CIMIP1: variants seen among roughly 807,000 people sequenced by gnomAD.
CIMIP1 encodes low in lung cancer 1.
At chr20:58,155,567 A>G in the CIMIP1 span, 1 of 1,612,036 alleles carries the variant, frequency 6.2e-7, no homozygotes, top group South Asian at 1.1e-5. Flanking sequence ...GAAGTACATC[A>G]AGGTTTGAAA....
the CIMIP1 span, among the ~76,000 whole-genome samples, chr20:58,151,871 C>T: frequency 1.3e-5 from 2 of 152,056 alleles, no homozygotes; most frequent in Non-Finnish European, 2.9e-5. Flanking sequence ...AGACATTTGT[C>T]GTGGATATTT....
the CIMIP1 span, chr20:58,153,653 G>A: frequency 1.5e-5 from 21 of 1,435,580 alleles, no homozygotes; most frequent in East Asian, 4.6e-4. Context: ...GAGCCCCAAG[G>A]TTACAGAATC....
chr20:58,158,965 T>C, the CIMIP1 span, among the ~76,000 whole-genome samples: 2 of 152,156 alleles, frequency 1.3e-5, no homozygotes, highest in Non-Finnish European at 2.9e-5. Flanking sequence ...TTCTAAACCA[T>C]TGCATGGCAC....
At chr20:58,160,796 T>TG in the CIMIP1 span, 2 of 1,613,386 alleles carry the variant, frequency 1.2e-6, no homozygotes, top group Non-Finnish European at 1.7e-6. Flanking sequence ...ACGAGAGCTG[T>TG]GCTGGCCCAA....
At chr20:58,153,509 C>G in the CIMIP1 span, 1 of 1,559,664 alleles carries the variant, frequency 6.4e-7, no homozygotes, top group African/African-American at 1.4e-5. Context: ...AACCTTTTTC[C>G]GTGTTGCCCA....
At chr20:58,158,599 G>A in the CIMIP1 span, among the ~76,000 whole-genome samples, 100 of 151,910 alleles carry the variant, frequency 6.6e-4, no homozygotes, top group Admixed American at 1.0e-3. Context: ...GCAGTGAGCC[G>A]AGATCGTGCC....
At chr20:58,160,646 G>T in the CIMIP1 span, 3 of 1,609,590 alleles carry the variant, frequency 1.9e-6, no homozygotes, top group Non-Finnish European at 2.5e-6. Context: ...TAAATCCCCT[G>T]TATTTCCATT....
the CIMIP1 span, among the ~76,000 whole-genome samples, chr20:58,152,933 T>C: frequency 6.6e-6 from 1 of 152,110 alleles, no homozygotes; most frequent in African/African-American, 2.4e-5. Flanking sequence ...TATGCTGATA[T>C]TGATTCCAAG....
At chr20:58,156,833 A>T in the CIMIP1 span, among the ~76,000 whole-genome samples, 2 of 152,012 alleles carry the variant, frequency 1.3e-5, no homozygotes, top group South Asian at 4.2e-4. Context: ...CTGCGTGCTG[A>T]TGGGGAGAGC....
the CIMIP1 span, among the ~76,000 whole-genome samples, chr20:58,155,777 C>T: frequency 3.3e-5 from 5 of 152,302 alleles, no homozygotes; most frequent in East Asian, 9.7e-4. Flanking sequence ...AGTGCAAGCA[C>T]CATGACCTCC....
At chr20:58,151,052 AAC>A in the CIMIP1 span, 51,136 of 1,585,848 alleles carry the variant, frequency 0.032, 1,044 homozygotes, top group African/African-American at 0.062. Context: ...GGGATCGGGC[AAC>A]GCGGTGGGCT....
the CIMIP1 span, among the ~76,000 whole-genome samples, chr20:58,154,920 C>A: frequency 6.6e-6 from 1 of 152,204 alleles, no homozygotes; most frequent in East Asian, 1.9e-4. Context: ...CATCCTGTCA[C>A]CTTGGCTCCC....
At chr20:58,154,639 G>A in the CIMIP1 span, among the ~76,000 whole-genome samples, 1 of 152,248 alleles carries the variant, frequency 6.6e-6, no homozygotes, top group Admixed American at 6.5e-5. Flanking sequence ...CATAGAATGA[G>A]TTCTTATTAA....
At chr20:58,158,407 T>G in the CIMIP1 span, among the ~76,000 whole-genome samples, 1 of 152,178 alleles carries the variant, frequency 6.6e-6, no homozygotes, top group Non-Finnish European at 1.5e-5. Context: ...TCCCAGCACT[T>G]TGGGAGGCCG....
At chr20:58,156,717 G>T in the CIMIP1 span, among the ~76,000 whole-genome samples, 1 of 152,168 alleles carries the variant, frequency 6.6e-6, no homozygotes, top group African/African-American at 2.4e-5. Context: ...GCACCACGGC[G>T]GACATGGCTC....
At chr20:58,154,549 T>C in the CIMIP1 span, among the ~76,000 whole-genome samples, 2 of 152,230 alleles carry the variant, frequency 1.3e-5, no homozygotes, top group Non-Finnish European at 2.9e-5. Flanking sequence ...ATTCATCCCA[T>C]CCTACGAGCT....
the CIMIP1 span, chr20:58,150,946 C>T: frequency 6.3e-7 from 1 of 1,595,148 alleles, no homozygotes; most frequent in East Asian, 2.3e-5. Context: ...TTGCGGGGCG[C>T]ACAGAGCCCC....
chr20:58,152,051 T>C, the CIMIP1 span, among the ~76,000 whole-genome samples: 1 of 152,262 alleles, frequency 6.6e-6, no homozygotes, highest in Admixed American at 6.5e-5. Context: ...ACCATTTCCT[T>C]GTAAAACCTC....
chr20:58,153,777 C>A, the CIMIP1 span: 1 of 630,544 alleles, frequency 1.6e-6, no homozygotes, highest in Non-Finnish European at 2.8e-6. Flanking sequence ...CCGCCTTTCA[C>A]AGATTCCTGG....
Sources: allele counts gnomAD v4.1 joint callset (sites outside exome capture counted in the v4.1 genomes callset), GRCh38; gene constraint gnomAD v4.1.1; transcripts MANE v1.5; gene names NCBI Gene and HGNC (gene_info 2026-07-23, HGNC 2026-07-21).